The following ETV6 variants were observed in gnomAD, a reference collection of about 807,000 sequenced individuals.
ETV6 encodes transcription factor ETV6.
In ETV6, 16 loss-of-function variants were observed where a neutral mutation model predicts 51.1. The observed-to-expected ratio is 0.31, with a 90% CI of 0.21 to 0.48. The LOEUF is 0.48. Among genes scored for constraint, ETV6 ranks in the 20% least tolerant of loss-of-function variants. The pLI, the probability that ETV6 is intolerant of heterozygous loss-of-function variation, is 0.99. For synonymous variants in ETV6, 240 were observed against 224.1 expected (o/e 1.07, Z -0.64); for missense variants, 458 against 594.8 (o/e 0.77, Z 2.39).
chr12:11,680,203 C>A (rs1003613278), intron 1 of ETV6, among the ~76,000 whole-genome samples: 68 of 152,348 alleles, frequency 4.5e-4, no homozygotes, highest in African/African-American at 1.3e-3. Flanking sequence ...CCAAATGGAA[C>A]TACTCTGGCC....
At chr12:11,877,803 A>T (rs74060900) in intron 5 of ETV6, among the ~76,000 whole-genome samples, 7,650 of 152,260 alleles carry the variant, frequency 0.05, 582 homozygotes, top group African/African-American at 0.16. Flanking sequence ...TATCTGTAAT[A>T]TTGAGAATAG....
intron 5 of ETV6, among the ~76,000 whole-genome samples, chr12:11,871,849 A>G (rs544813141): frequency 6.6e-6 from 1 of 152,316 alleles, no homozygotes; most frequent in South Asian, 2.1e-4. Flanking sequence ...GATTGTTTTA[A>G]TCAGAAAATG....
intron 2 of ETV6, among the ~76,000 whole-genome samples, chr12:11,823,143 T>G (rs1488464357): frequency 1.3e-5 from 2 of 151,996 alleles, no homozygotes; most frequent in Admixed American, 1.3e-4. Context: ...ACCTCATTGG[T>G]TTTGTGGGGG....
chr12:11,715,014 C>T (rs534072538), intron 1 of ETV6, among the ~76,000 whole-genome samples: 1 of 152,270 alleles, frequency 6.6e-6, no homozygotes, highest in East Asian at 1.9e-4. Flanking sequence ...CGTTACATGA[C>T]AGAGCCGTGG....
intron 2 of ETV6, among the ~76,000 whole-genome samples, chr12:11,825,468 C>T (rs1946138822): frequency 6.6e-6 from 1 of 152,234 alleles, no homozygotes; most frequent in African/African-American, 2.4e-5. Flanking sequence ...CTTTCGCCTG[C>T]ATCGCTCCTG....
chr12:11,779,163 C>T (rs1945377128), intron 2 of ETV6, among the ~76,000 whole-genome samples: 1 of 152,194 alleles, frequency 6.6e-6, no homozygotes. Context: ...TGCGTCTCTG[C>T]GTATATTTGT....
intron 1 of ETV6, among the ~76,000 whole-genome samples, chr12:11,740,032 G>C (rs1865780916): frequency 6.6e-6 from 1 of 152,206 alleles, no homozygotes; most frequent in Non-Finnish European, 1.5e-5. Context: ...TGAGAGGACA[G>C]CTTTACCTCT....
intron 1 of ETV6, among the ~76,000 whole-genome samples, chr12:11,652,223 G>C (rs1863919285): frequency 6.6e-6 from 1 of 152,200 alleles, no homozygotes; most frequent in Admixed American, 6.5e-5. Flanking sequence ...TATGGAACGA[G>C]TATGTATTTG....
intron 1 of ETV6, among the ~76,000 whole-genome samples, chr12:11,706,554 C>G (rs1865076227): frequency 6.6e-6 from 1 of 152,204 alleles, no homozygotes; most frequent in Non-Finnish European, 1.5e-5. Context: ...TGAGGGGCAG[C>G]CCTCCTTACC....
intron 1 of ETV6, among the ~76,000 whole-genome samples, chr12:11,670,075 G>A (rs564280599): frequency 5.3e-5 from 8 of 150,762 alleles, no homozygotes; most frequent in Non-Finnish European, 4.4e-5. Flanking sequence ...GTAGTTCATC[G>A]TTTCCTTTTT....
intron 1 of ETV6, among the ~76,000 whole-genome samples, chr12:11,697,417 C>T (rs977243736): frequency 2.0e-5 from 3 of 152,304 alleles, no homozygotes; most frequent in East Asian, 1.9e-4. Context: ...TCCTCATCTC[C>T]GTTCTCAAGA....
At chr12:11,669,660 T>C (rs1864274543) in intron 1 of ETV6, among the ~76,000 whole-genome samples, 1 of 152,130 alleles carries the variant, frequency 6.6e-6, no homozygotes, top group Non-Finnish European at 1.5e-5. Flanking sequence ...CTCCCCATCT[T>C]CTTCCAGCCT....
At position 11,698,589 on chromosome 12, in the gene ETV6, A is replaced by G. The variant is rs1237287401; in HGVS notation, c.33+48429A>G. Among the ~76,000 whole-genome samples, 3 of 71,482 alleles carry G rather than the reference A, an allele frequency of 4.2e-5. No homozygotes were observed. The Admixed American group carries it at 5.4e-4, about 13-fold the overall frequency. 46.9% of individuals were successfully genotyped at this position (71,482 alleles called of 152,430 possible). On this transcript the variant is annotated intron_variant, in intron 1 of 7. Coordinates refer to ENST00000396373, the MANE Select transcript of ETV6 (RefSeq NM_001987.5). The stretch of plus-strand genomic sequence containing the variant: ...CCAACCTAGACACCCACAACATGGC[A>G]GCCTGCTCCTTCAACAACTAGCAAG...
chr12:11,815,771 C>T (rs988686436), intron 2 of ETV6, among the ~76,000 whole-genome samples: 8 of 150,660 alleles, frequency 5.3e-5, no homozygotes, highest in Admixed American at 1.3e-4. Flanking sequence ...TATTTGTGAA[C>T]AGGACACAAC....
chr12:11,785,837 G>A (rs1945476532), intron 2 of ETV6, among the ~76,000 whole-genome samples: 1 of 152,114 alleles, frequency 6.6e-6, no homozygotes, highest in African/African-American at 2.4e-5. Context: ...TAGTCACGTT[G>A]CCTACACCCT....
At chr12:11,734,913 GA>G (rs1468125481) in intron 1 of ETV6, among the ~76,000 whole-genome samples, 17 of 152,108 alleles carry the variant, frequency 1.1e-4, no homozygotes, top group Admixed American at 1.1e-3. Context: ...TAAGGAAAAG[GA>G]AAACGTGGTC....
intron 2 of ETV6, among the ~76,000 whole-genome samples, chr12:11,815,076 C>G (rs1689189670): frequency 6.6e-6 from 1 of 152,150 alleles, no homozygotes; most frequent in South Asian, 2.1e-4. Flanking sequence ...TCACATACTT[C>G]CCAGGAGAAG....
intron 5 of ETV6, among the ~76,000 whole-genome samples, chr12:11,879,270 G>C (rs16907479): frequency 0.039 from 5,886 of 152,196 alleles, 376 homozygotes; most frequent in African/African-American, 0.13. Flanking sequence ...GCAGTTAAAA[G>C]AACATAAAAT....
chr12:11,830,402 T>C (rs1365829807), intron 2 of ETV6, among the ~76,000 whole-genome samples: 1 of 152,266 alleles, frequency 6.6e-6, no homozygotes, highest in Non-Finnish European at 1.5e-5. Context: ...AGGTTCATTG[T>C]GACCTTGGGA....
Sources: allele counts gnomAD v4.1 joint callset (sites outside exome capture counted in the v4.1 genomes callset), GRCh38; gene constraint gnomAD v4.1.1; transcripts MANE v1.5; gene names NCBI Gene and HGNC (gene_info 2026-07-23, HGNC 2026-07-21).